CNTNAP2: variants seen among roughly 807,000 people sequenced by gnomAD.
CNTNAP2 encodes contactin associated protein 2, also known as contactin-associated protein-like 2.
CNTNAP2 carries 98 observed loss-of-function variants against 155.2 expected under a neutral mutation model. The ratio of observed to expected loss-of-function variants is 0.63; its 90% CI spans 0.54 to 0.75. The LOEUF is 0.75. CNTNAP2 is among the 30% of genes least tolerant of loss of function. The pLI is 0.00. For synonymous variants in CNTNAP2, 651 were observed against 631.2 expected (o/e 1.03, Z -0.47); for missense variants, 1,727 against 1,688.1 (o/e 1.02, Z -0.40).
intron 1 of CNTNAP2, among the ~76,000 whole-genome samples, chr7:146,183,907 T>C (rs1798585787): frequency 6.6e-6 from 1 of 152,172 alleles, no homozygotes; most frequent in Non-Finnish European, 1.5e-5. Context: ...ACTCGGAATC[T>C]TTTTTACTGC....
chr7:147,983,977 T>C (rs1376493897), intron 15 of CNTNAP2, among the ~76,000 whole-genome samples: 1 of 152,182 alleles, frequency 6.6e-6, no homozygotes, highest in Admixed American at 6.5e-5. Flanking sequence ...TAGATGTGAA[T>C]TTTCCCCCAC....
chr7:147,512,192 C>T (rs1799035051), intron 11 of CNTNAP2, among the ~76,000 whole-genome samples: 1 of 152,196 alleles, frequency 6.6e-6, no homozygotes, highest in African/African-American at 2.4e-5. Flanking sequence ...GCCCACACAT[C>T]TCATACGTGC....
chr7:146,671,901 C>T (rs1462493286), intron 1 of CNTNAP2, among the ~76,000 whole-genome samples: 3 of 151,900 alleles, frequency 2.0e-5, no homozygotes, highest in Non-Finnish European at 4.4e-5. Flanking sequence ...CTGCAACCTC[C>T]GCCGCCTGGG....
At chr7:146,889,656 ATTTTAC>A (rs993524576) in intron 3 of CNTNAP2, among the ~76,000 whole-genome samples, 1 of 152,122 alleles carries the variant, frequency 6.6e-6, no homozygotes, top group African/African-American at 2.4e-5. Flanking sequence ...CATATCTAAA[ATTTTAC>A]TTTTACATCT....
At chr7:147,006,612 A>G (rs992995699) in intron 3 of CNTNAP2, among the ~76,000 whole-genome samples, 1 of 152,104 alleles carries the variant, frequency 6.6e-6, no homozygotes, top group Non-Finnish European at 1.5e-5. Context: ...CCTCTCCCAC[A>G]AGAAAAATTA....
intron 9 of CNTNAP2, among the ~76,000 whole-genome samples, chr7:147,382,607 G>C (rs763366527): frequency 3.2e-4 from 48 of 152,294 alleles, no homozygotes; most frequent in Non-Finnish European, 6.9e-4. Flanking sequence ...TTAGTGTTGA[G>C]TTCAGAGGAG....
chr7:148,410,595 A>C (rs1198876344), intron 23 of CNTNAP2, among the ~76,000 whole-genome samples: 2 of 151,168 alleles, frequency 1.3e-5, no homozygotes, highest in Non-Finnish European at 3.0e-5. Context: ...AAATACGAAA[A>C]GGGAAATGCC....
chr7:147,993,006 T>C (rs1415832935), intron 15 of CNTNAP2, among the ~76,000 whole-genome samples: 2 of 152,240 alleles, frequency 1.3e-5, no homozygotes, highest in African/African-American at 4.8e-5. Context: ...AAAGATGGCC[T>C]TTCATTTCAC....
chr7:146,529,766 A>G (rs1797741442), intron 1 of CNTNAP2, among the ~76,000 whole-genome samples: 1 of 152,066 alleles, frequency 6.6e-6, no homozygotes, highest in Non-Finnish European at 1.5e-5. Flanking sequence ...AGAGATTGAG[A>G]CCATCCTGGC....
intron 3 of CNTNAP2, among the ~76,000 whole-genome samples, chr7:146,947,457 T>C (rs1313194055): frequency 7.0e-6 from 1 of 143,868 alleles, no homozygotes; most frequent in Non-Finnish European, 1.5e-5. Flanking sequence ...CATATATCTT[T>C]CTATATATAT....
intron 9 of CNTNAP2, among the ~76,000 whole-genome samples, chr7:147,306,321 T>TA (rs1229058295): frequency 2.0e-5 from 3 of 152,220 alleles, no homozygotes; most frequent in Non-Finnish European, 2.9e-5. Flanking sequence ...GAAATGTGGA[T>TA]AACTAAAAGT....
chr7:147,639,384 T>A (rs1215532568), intron 13 of CNTNAP2, 78 bp downstream of exon 13: 1 of 1,351,978 alleles, frequency 7.4e-7, no homozygotes, highest in African/African-American at 1.4e-5. Context: ...CCAACAGGTG[T>A]GGTTCATTAT....
intron 21 of CNTNAP2, among the ~76,000 whole-genome samples, chr7:148,316,432 A>C (rs189610246): frequency 1.0e-3 from 159 of 152,280 alleles, no homozygotes; most frequent in Non-Finnish European, 2.0e-3. Flanking sequence ...AGCAAGGTAA[A>C]TCCCTACTGC....
chr7:146,451,769 C>G (rs1213888363), intron 1 of CNTNAP2, among the ~76,000 whole-genome samples: 1 of 148,490 alleles, frequency 6.7e-6, no homozygotes, highest in Non-Finnish European at 1.5e-5. Context: ...AATTCCCTAA[C>G]CCTAGCTATA....
intron 14 of CNTNAP2, among the ~76,000 whole-genome samples, chr7:147,968,804 G>A (rs1330538508): frequency 6.6e-6 from 1 of 151,970 alleles, no homozygotes; most frequent in South Asian, 2.1e-4. Context: ...CTAGAATTTT[G>A]TCAAAAGACA....
intron 4 of CNTNAP2, among the ~76,000 whole-genome samples, chr7:147,083,994 AATAC>A (rs1800211644): frequency 7.6e-6 from 1 of 131,606 alleles, no homozygotes; most frequent in African/African-American, 2.7e-5. Flanking sequence ...ATGTATATAT[AATAC>A]ATATATACAT....
At chr7:146,932,499 T>C (rs1163203629) in intron 3 of CNTNAP2, among the ~76,000 whole-genome samples, 1 of 152,118 alleles carries the variant, frequency 6.6e-6, no homozygotes, top group Non-Finnish European at 1.5e-5. Flanking sequence ...GGGCAGAAAC[T>C]GGAAGCACTC....
chr7:146,374,304 C>G (rs184098052), intron 1 of CNTNAP2, among the ~76,000 whole-genome samples: 1 of 151,996 alleles, frequency 6.6e-6, no homozygotes, highest in African/African-American at 2.4e-5. Context: ...CAGATTTTAC[C>G]AGAAATTCAC....
At chr7:146,766,641 T>C (rs1182071736) in intron 1 of CNTNAP2, among the ~76,000 whole-genome samples, 1 of 152,164 alleles carries the variant, frequency 6.6e-6, no homozygotes, top group Non-Finnish European at 1.5e-5. Flanking sequence ...ATGGTAATAC[T>C]ACCCATCTCA....
Sources: allele counts gnomAD v4.1 joint callset (sites outside exome capture counted in the v4.1 genomes callset), GRCh38; gene constraint gnomAD v4.1.1; transcripts MANE v1.5; gene names NCBI Gene and HGNC (gene_info 2026-07-23, HGNC 2026-07-21).